Variants in ANG observed in about 807,000 individuals in gnomAD.
The protein encoded by ANG is angiogenin, also known as Homo sapiens epididymis luminal protein 168.
For synonymous variants in ANG, 74 were observed against 73.8 expected (o/e 1.00, Z -0.02); for missense variants, 178 against 187.4 (o/e 0.95, Z 0.29).
chr14:20,686,644 TTGGAAATACAGGCA>T (rs1886439549), upstream of ANG, among the ~76,000 whole-genome samples: 1 of 152,250 alleles, frequency 6.6e-6, no homozygotes, highest in African/African-American at 2.4e-5. Flanking sequence ...TTGTCTTTGT[TTGGAAATACAGGCA>T]TGTCAGCAGG....
upstream of ANG, chr14:20,684,326 G>T (rs1886317672): frequency 6.6e-6 from 1 of 152,336 alleles, no homozygotes; most frequent in South Asian, 2.1e-4. Flanking sequence ...CCAGTTTCCC[G>T]CCATCTGCTC....
At chr14:20,692,897 G>T (rs1886845484) in intron 1 of ANG, among the ~76,000 whole-genome samples, 1 of 152,028 alleles carries the variant, frequency 6.6e-6, no homozygotes, top group South Asian at 2.1e-4. Flanking sequence ...GCCAAGGCTG[G>T]AGTGCAGTGG....
At chr14:20,686,873 A>G (rs1450271367), upstream of ANG, among the ~76,000 whole-genome samples, 4 of 152,206 alleles carry the variant, frequency 2.6e-5, no homozygotes, top group African/African-American at 4.8e-5. Flanking sequence ...AATTAGTCCT[A>G]AGACAGAATG....
upstream of ANG, among the ~76,000 whole-genome samples, chr14:20,686,736 G>A (rs191910613): frequency 7.2e-5 from 11 of 152,318 alleles, no homozygotes; most frequent in East Asian, 5.8e-4. Context: ...TTCTTGCCAC[G>A]TGTGCTTTTC....
intron 1 of ANG, among the ~76,000 whole-genome samples, chr14:20,693,279 G>T (rs1477051808): frequency 6.6e-6 from 1 of 152,224 alleles, no homozygotes. Flanking sequence ...GTAATGTTAC[G>T]ACTGATAGAG....
upstream of ANG, among the ~76,000 whole-genome samples, chr14:20,687,415 A>G (rs1886476542): frequency 6.6e-6 from 1 of 152,224 alleles, no homozygotes; most frequent in Non-Finnish European, 1.5e-5. Context: ...GAACTCTAAA[A>G]TCAGAGGCTG....
chr14:20,685,571 A>G (rs146252785), upstream of ANG, among the ~76,000 whole-genome samples: 1 of 152,340 alleles, frequency 6.6e-6, no homozygotes, highest in East Asian at 1.9e-4. Flanking sequence ...AAGTTTTGCA[A>G]GAGGATAGGT....
chr14:20,688,299 C>T (rs148942933), upstream of ANG, among the ~76,000 whole-genome samples: 230 of 152,250 alleles, frequency 1.5e-3, no homozygotes, highest in Middle Eastern at 6.8e-3. Flanking sequence ...GATGGAATAA[C>T]GTGCTTAGCA....
chr14:20,692,195 A>C (rs918729048), intron 1 of ANG, among the ~76,000 whole-genome samples: 4 of 152,262 alleles, frequency 2.6e-5, no homozygotes, highest in Non-Finnish European at 5.9e-5. Flanking sequence ...CAATTTGAAG[A>C]TCAGATTTTT....
Position 20,694,072 on chromosome 14 carries a change from A to G in ANG, c.*64A>G. The G allele has an allele frequency of 6.3e-7, 1 of 1,585,482 alleles. No individual in the cohort carries two copies. The highest frequency in any genetic ancestry group is 8.7e-7 in the Non-Finnish European group (1 of 1,154,218). On this transcript the variant is annotated 3_prime_UTR_variant, in exon 2 of 2. Coordinates refer to ENST00000397990, the MANE Select transcript of ANG (RefSeq NM_001097577.3). The stretch of plus-strand genomic sequence containing the variant: ...TGCCTTCCATTTCCCCTCTGCACCC[A>G]GAACAGTGGTGGCAACATTCATTGC...
intron 1 of ANG, among the ~76,000 whole-genome samples, chr14:20,691,952 G>A (rs1886774522): frequency 6.6e-6 from 1 of 152,104 alleles, no homozygotes; most frequent in African/African-American, 2.4e-5. Context: ...AGGACCCATG[G>A]CCTTTTTTTA....
Position 20,693,751 on chromosome 14 carries a change from TG to T in ANG, c.188del (p.Cys63SerfsTer31). On this transcript the variant is annotated frameshift_variant, in exon 2 of 2. Coordinates refer to ENST00000397990, the MANE Select transcript of ANG (RefSeq NM_001097577.3). LOFTEE classifies it low-confidence loss of function (END_TRUNC). ...IMRRRGLTSP[C>X]KDINTFIHGN... The stretch of plus-strand genomic sequence containing the variant: ...GAGGAGACGGGGCCTGACCTCACCC[TG>T]CAAAGACATCAACACATTTATTCAT... The T allele has an allele frequency of 6.2e-7, 1 of 1,614,232 alleles. No homozygotes were observed. Among genetic ancestry groups the T allele is most frequent in the South Asian group, 1.1e-5 (1 of 91,084 alleles).
upstream of ANG, among the ~76,000 whole-genome samples, chr14:20,687,189 T>C (rs1310653938): frequency 6.6e-6 from 1 of 152,270 alleles, no homozygotes; most frequent in Non-Finnish European, 1.5e-5. Context: ...AGTGCTTAGA[T>C]GCATTCTAAT....
intron 1 of ANG, among the ~76,000 whole-genome samples, chr14:20,692,293 C>T (rs1016547495): frequency 5.3e-5 from 8 of 152,200 alleles, no homozygotes; most frequent in Non-Finnish European, 1.0e-4. Flanking sequence ...CATAAACGAA[C>T]AAGAACCACC....
intron 1 of ANG, among the ~76,000 whole-genome samples, chr14:20,691,730 T>C (rs1255301386): frequency 2.0e-5 from 3 of 152,246 alleles, no homozygotes; most frequent in Non-Finnish European, 4.4e-5. Flanking sequence ...CATTCCACAA[T>C]AATGGAGTAA....
chr14:20,690,865 A>G (rs1594206206), intron 1 of ANG, among the ~76,000 whole-genome samples: 2 of 152,368 alleles, frequency 1.3e-5, no homozygotes, highest in East Asian at 3.9e-4. Context: ...CCAGTAAGAA[A>G]CACTAACAAG....
At chr14:20,690,183 C>G (rs1886655685) in intron 1 of ANG, among the ~76,000 whole-genome samples, 1 of 124,796 alleles carries the variant, frequency 8.0e-6, no homozygotes, top group South Asian at 2.7e-4. Context: ...CCACTGCAGT[C>G]CGCAGTCCGG....
In ANG at chr14:20,693,677, A is replaced by C; in HGVS notation, c.113A>C (p.Tyr38Ser). Reference protein sequence around the residue: ...SRYTHFLTQHYDAKPQGRDDR... With the variant: ...SRYTHFLTQHSDAKPQGRDDR... ...TACACACACTTCCTGACCCAGCACT[A>C]TGATGCCAAACCACAGGGCCGGGAT... is the stretch of plus-strand genomic sequence containing the variant. The change falls in exon 2 of 2, where the codon TAT becomes TCT. Residue 38 changes from tyrosine to serine, a missense_variant. Transcript: ENST00000397990. 6.2e-7 allele frequency: 1 copy of C among 1,614,156 alleles called. No individual in the cohort carries two copies. Among genetic ancestry groups the C allele is most frequent in the South Asian group, 1.1e-5 (1 of 91,078 alleles).
upstream of ANG, among the ~76,000 whole-genome samples, chr14:20,685,263 A>T (rs909736702): frequency 1.9e-4 from 29 of 152,160 alleles, no homozygotes; most frequent in Non-Finnish European, 3.1e-4. Context: ...CTCTTCTCTA[A>T]GCCTTCCTAC....
Sources: allele counts gnomAD v4.1 joint callset (sites outside exome capture counted in the v4.1 genomes callset), GRCh38; gene constraint gnomAD v4.1.1; transcripts MANE v1.5; gene names NCBI Gene and HGNC (gene_info 2026-07-23, HGNC 2026-07-21).